Variants in MYO5B observed in about 807,000 individuals in gnomAD.
The protein encoded by MYO5B is myosin VB.
Under a neutral mutation model 229.3 loss-of-function variants are expected in MYO5B, and 143 were observed. The observed-to-expected ratio is 0.62, with a 90% CI of 0.54 to 0.72. The LOEUF is 0.72. MYO5B is among the 30% of genes least tolerant of loss of function. The pLI, the probability that MYO5B is intolerant of heterozygous loss-of-function variation, is 0.00. For synonymous variants in MYO5B, 918 were observed against 885.2 expected (o/e 1.04, Z -0.66); for missense variants, 2,321 against 2,331.0 (o/e 1.00, Z 0.09).
At chr18:50,162,804 C>A (rs1294725256) in intron 1 of MYO5B, among the ~76,000 whole-genome samples, 2 of 152,188 alleles carry the variant, frequency 1.3e-5, no homozygotes, top group Non-Finnish European at 2.9e-5. Flanking sequence ...CACAGTACTG[C>A]CCAAAAAGAT....
chr18:50,168,029 T>C (rs975058631), intron 1 of MYO5B, among the ~76,000 whole-genome samples: 20 of 152,364 alleles, frequency 1.3e-4, no homozygotes, highest in African/African-American at 4.3e-4. Context: ...GGTTCTATGA[T>C]ATTTATATTG....
chr18:49,989,852 C>CT (rs1475945934), intron 7 of MYO5B, among the ~76,000 whole-genome samples: 2 of 152,176 alleles, frequency 1.3e-5, no homozygotes, highest in Admixed American at 6.5e-5. Context: ...ATCTCTCTCC[C>CT]TCCAGTGAGG....
At chr18:50,048,702 A>C (rs1598980928) in intron 2 of MYO5B, among the ~76,000 whole-genome samples, 1 of 152,158 alleles carries the variant, frequency 6.6e-6, no homozygotes, top group Admixed American at 6.6e-5. Context: ...GTCAGCAGGA[A>C]ATCCAAGTAG....
At chr18:50,090,035 C>T (rs746656613) in intron 1 of MYO5B, among the ~76,000 whole-genome samples, 4 of 152,196 alleles carry the variant, frequency 2.6e-5, no homozygotes, top group Non-Finnish European at 5.9e-5. Context: ...GGCTGGTTTC[C>T]GCCCCAACTG....
rs1379756071 is a variant in MYO5B, at chr18:49,979,685, CT to C, written c.1056+758del. On this transcript the variant is annotated intron_variant, in intron 9 of 39. Coordinates refer to ENST00000285039, the MANE Select transcript of MYO5B (RefSeq NM_001080467.3). ...CAAGTCCCTGGAAGCAAGAATCATA[CT>C]TTGTACCTCCCCAGAACCTGGCCAT... 2.6e-5 allele frequency among the ~76,000 whole-genome samples: 4 copies of C among 152,214 alleles called. No homozygotes were observed. The East Asian group carries it at 7.7e-4, about 29-fold the overall frequency.
At position 50,010,155 on chromosome 18, in the gene MYO5B, T is replaced by C. The variant is rs115455193; in HGVS notation, c.456-8744A>G. Among the ~76,000 whole-genome samples, 364 of 152,322 alleles carry C rather than the reference T, an allele frequency of 2.4e-3. 1 individual carries two copies. The highest frequency in any genetic ancestry group is 8.3e-3 in the African/African-American group (344 of 41,572). ...GGTAAGATGAAAATGAACCTTCTGATAGTGTAAGAGATAAGTACTTAGTAC... is the reference window on the plus strand; with the variant it reads ...GGTAAGATGAAAATGAACCTTCTGACAGTGTAAGAGATAAGTACTTAGTAC... On this transcript the variant is annotated intron_variant, in intron 4 of 39. Coordinates refer to ENST00000285039, the MANE Select transcript of MYO5B (RefSeq NM_001080467.3).
intron 7 of MYO5B, among the ~76,000 whole-genome samples, chr18:49,986,919 C>G (rs1015381007): frequency 4.6e-5 from 7 of 152,162 alleles, no homozygotes; most frequent in African/African-American, 1.7e-4. Context: ...AGAAAAACGA[C>G]AATTTATCTA....
chr18:50,046,557 C>A (rs1279807616), intron 2 of MYO5B, among the ~76,000 whole-genome samples: 2 of 152,146 alleles, frequency 1.3e-5, no homozygotes, highest in African/African-American at 4.8e-5. Flanking sequence ...TGTCAAATTA[C>A]AACAGCTATC....
At chr18:49,851,820 A>AGCTG (rs2144057556) in intron 31 of MYO5B, among the ~76,000 whole-genome samples, 1 of 152,326 alleles carries the variant, frequency 6.6e-6, no homozygotes, top group African/African-American at 2.4e-5. Context: ...GTGCTTCACC[A>AGCTG]GCTGGCACAC....
chr18:50,059,374 G>A (rs567244885), intron 1 of MYO5B, among the ~76,000 whole-genome samples: 1 of 152,316 alleles, frequency 6.6e-6, no homozygotes, highest in South Asian at 2.1e-4. Context: ...GGGGTGATGT[G>A]ACCAACTCCT....
intron 2 of MYO5B, among the ~76,000 whole-genome samples, chr18:50,052,101 C>T (rs866014854): frequency 1.1e-4 from 16 of 152,104 alleles, no homozygotes; most frequent in East Asian, 5.8e-4. Context: ...TTTTACACTG[C>T]TGGTGGGACT....
intron 22 of MYO5B, among the ~76,000 whole-genome samples, chr18:49,881,518 AGAGGC>A (rs1406873245): frequency 2.0e-5 from 3 of 152,226 alleles, no homozygotes; most frequent in South Asian, 2.1e-4. Flanking sequence ...AAAAGTGTGA[AGAGGC>A]CAGGCGCAGT....
intron 24 of MYO5B, 130 bp from the exon 25 acceptor site, chr18:49,878,012 G>A: frequency 8.9e-7 from 1 of 1,125,206 alleles, no homozygotes; most frequent in South Asian, 1.2e-5. Flanking sequence ...ATTGCTTCTT[G>A]GAATGATGGC....
Position 49,974,521 on chromosome 18 carries a change from G to T in MYO5B, c.1151C>A (p.Thr384Asn). ...CATGGTCTTGACGTAGGTCTCCGAGGTGGTGACCAGCTTGCGATGACACAG... is the reference window on the plus strand; with the variant it reads ...CATGGTCTTGACGTAGGTCTCCGAGTTGGTGACCAGCTTGCGATGACACAG... Reference protein sequence around the residue: ...HWLCHRKLVTTSETYVKTMSL... With the variant: ...HWLCHRKLVTNSETYVKTMSL... The change falls in exon 10 of 40, where the codon ACC becomes AAC. Residue 384 changes from threonine (T) to asparagine (N), a missense_variant. This residue lies in a region of MYO5B where 2,113 missense variants were observed against 2,044.7 expected (regional missense o/e 1.03). Coordinates refer to ENST00000285039, the MANE Select transcript of MYO5B (RefSeq NM_001080467.3). The T allele has an allele frequency of 6.2e-7, 1 of 1,614,168 alleles. No homozygotes were observed. Among genetic ancestry groups the T allele is most frequent in the Non-Finnish European group, 8.5e-7 (1 of 1,180,024 alleles).
At chr18:50,141,952 A>G (rs1166577120) in intron 1 of MYO5B, among the ~76,000 whole-genome samples, 1 of 152,010 alleles carries the variant, frequency 6.6e-6, no homozygotes, top group Non-Finnish European at 1.5e-5. Context: ...TCCACATACC[A>G]TTTCTTCCTC....
At chr18:50,004,238 A>T (rs2026077407) in intron 4 of MYO5B, among the ~76,000 whole-genome samples, 1 of 152,242 alleles carries the variant, frequency 6.6e-6, no homozygotes, top group East Asian at 1.9e-4. Flanking sequence ...ATTCAAAAAG[A>T]AGGAATCAAG....
At chr18:49,928,198 T>A (rs1414662743) in intron 17 of MYO5B, among the ~76,000 whole-genome samples, 3 of 152,166 alleles carry the variant, frequency 2.0e-5, no homozygotes, top group Admixed American at 2.0e-4. Flanking sequence ...ACCACCTTAC[T>A]CCTGCAAGAA....
At chr18:49,867,258 A>T (rs1157992729) in intron 27 of MYO5B, among the ~76,000 whole-genome samples, 1 of 152,136 alleles carries the variant, frequency 6.6e-6, no homozygotes, top group African/African-American at 2.4e-5. Context: ...AGACCTGGAG[A>T]CTGCTTGGAT....
intron 1 of MYO5B, among the ~76,000 whole-genome samples, chr18:50,070,398 T>C (rs1037122059): frequency 3.9e-5 from 6 of 152,094 alleles, no homozygotes; most frequent in African/African-American, 1.4e-4. Flanking sequence ...TGCTTGCTTC[T>C]AGAGCAGTTC....
Sources: gnomAD v4.1 joint callset for allele counts (sites outside exome capture counted in the v4.1 genomes callset) on GRCh38, gnomAD v4.1.1 for gene constraint, gnomAD v4.1.1 regional missense constraint, MANE v1.5 for transcripts, NCBI Gene and HGNC (gene_info 2026-07-23, HGNC 2026-07-21) for gene names.